The following FBN2 variants were observed in gnomAD, a reference collection of about 807,000 sequenced individuals.
The protein encoded by FBN2 is fibrillin 2, also known as fibrillin-2.
FBN2 carries 105 observed loss-of-function variants against 355.6 expected under a neutral mutation model. The ratio of observed to expected loss-of-function variants is 0.30; its 90% CI spans 0.25 to 0.35. The LOEUF (loss-of-function observed/expected upper bound fraction) is 0.35, where lower values mean the gene tolerates loss of function less well. FBN2 is among the 10% of genes least tolerant of loss of function. The probability of loss-of-function intolerance (pLI) is 1.00; values close to 1 mark genes in which losing one functional copy is unlikely to be tolerated. For missense variants in FBN2, 3,280 were observed against 3,758.7 expected, an observed-to-expected ratio of 0.87 and a Z score of 3.33; for synonymous variants, 1,350 against 1,301.2, an observed-to-expected ratio of 1.04 and a Z score of -0.81.
chr5:128,354,534 T>C (rs1249911990), intron 20 of FBN2, among the ~76,000 whole-genome samples: 2 of 152,118 alleles, frequency 1.3e-5, no homozygotes, highest in East Asian at 3.9e-4. Flanking sequence ...GAGTGTAGTA[T>C]GAGGAAAAGA....
intron 11 of FBN2, among the ~76,000 whole-genome samples, chr5:128,383,671 G>T (rs1752293118): frequency 6.6e-6 from 1 of 152,014 alleles, no homozygotes. Flanking sequence ...TACCAAAGAA[G>T]TGTCAGATCA....
At chr5:128,431,245 A>G (rs1753618947) in intron 7 of FBN2, among the ~76,000 whole-genome samples, 1 of 152,248 alleles carries the variant, frequency 6.6e-6, no homozygotes. Flanking sequence ...TGGCAAAAAT[A>G]ATAAGATCCT....
chr5:128,289,386 C>T, intron 51 of FBN2, 134 bp from the exon 52 acceptor site: 2 of 857,154 alleles, frequency 2.3e-6, no homozygotes, highest in Admixed American at 1.8e-5. Flanking sequence ...GAGCTTGAGA[C>T]CAGCCTGGGC....
intron 25 of FBN2, among the ~76,000 whole-genome samples, chr5:128,344,067 AAAAT>A (rs909949107): frequency 1.3e-5 from 2 of 152,046 alleles, no homozygotes; most frequent in Admixed American, 6.5e-5. Context: ...CCCATCTCTT[AAAAT>A]AAATAAATAA....
intron 48 of FBN2, among the ~76,000 whole-genome samples, chr5:128,297,184 T>C (rs1749547101): frequency 6.6e-6 from 1 of 152,186 alleles, no homozygotes; most frequent in Non-Finnish European, 1.5e-5. Context: ...CTAGTTTGAT[T>C]GCACTGTGGT....
At chr5:128,405,931 C>A (rs1447601354) in intron 8 of FBN2, among the ~76,000 whole-genome samples, 1 of 152,182 alleles carries the variant, frequency 6.6e-6, no homozygotes, top group African/African-American at 2.4e-5. Flanking sequence ...TTCTACAGCA[C>A]CCAGACAACA....
intron 7 of FBN2, among the ~76,000 whole-genome samples, chr5:128,443,789 CTA>C (rs955611118): frequency 1.3e-5 from 2 of 152,074 alleles, no homozygotes; most frequent in Non-Finnish European, 2.9e-5. Context: ...GCCAATAGTA[CTA>C]TGTTTTATAT....
At chr5:128,310,152 T>A in intron 39 of FBN2, 44 bp from the exon 40 acceptor site, 2 of 1,503,182 alleles carry the variant, frequency 1.3e-6, no homozygotes, top group South Asian at 1.2e-5. Flanking sequence ...ATCTATTTTT[T>A]CAATGAATTT....
intron 48 of FBN2, among the ~76,000 whole-genome samples, chr5:128,298,813 G>A (rs372559710): frequency 3.3e-5 from 5 of 152,158 alleles, no homozygotes; most frequent in East Asian, 1.9e-4. Flanking sequence ...TAATTTGATC[G>A]TCTGAAGCCT....
intron 16 of FBN2, among the ~76,000 whole-genome samples, chr5:128,368,505 T>C (rs1331706642): frequency 1.3e-5 from 2 of 148,228 alleles, no homozygotes; most frequent in African/African-American, 2.5e-5. Context: ...TATACATATA[T>C]ATATAATCAA....
chr5:128,502,298 AAAT>A (rs1486824232), intron 5 of FBN2, among the ~76,000 whole-genome samples: 2 of 116,740 alleles, frequency 1.7e-5, no homozygotes, highest in East Asian at 2.1e-4. Flanking sequence ...AAAAAAAAAA[AAAT>A]AATTATAAAG....
chr5:128,507,395 C>T (rs1755991908), intron 5 of FBN2, among the ~76,000 whole-genome samples: 1 of 152,042 alleles, frequency 6.6e-6, no homozygotes, highest in Admixed American at 6.5e-5. Flanking sequence ...AACATACACA[C>T]ATTCACCCAT....
chr5:128,282,470 TTTTGAAC>T (rs1748989281), intron 55 of FBN2, among the ~76,000 whole-genome samples: 1 of 152,140 alleles, frequency 6.6e-6, no homozygotes, highest in Non-Finnish European at 1.5e-5. Context: ...CAAAAAGGGC[TTTTGAAC>T]TAAAAGCGTT....
chr5:128,348,425 C>T (rs1219581846), intron 23 of FBN2, among the ~76,000 whole-genome samples: 2 of 151,954 alleles, frequency 1.3e-5, no homozygotes, highest in Non-Finnish European at 2.9e-5. Flanking sequence ...TACAGTCATG[C>T]TTCCAATCCA....
intron 7 of FBN2, among the ~76,000 whole-genome samples, chr5:128,431,565 C>T (rs1055846488): frequency 2.0e-5 from 3 of 152,172 alleles, no homozygotes; most frequent in Admixed American, 6.5e-5. Context: ...ATAAAAAAAT[C>T]TATTCTTACT....
intron 7 of FBN2, among the ~76,000 whole-genome samples, chr5:128,427,885 T>C (rs556909019): frequency 6.6e-6 from 1 of 152,326 alleles, no homozygotes; most frequent in African/African-American, 2.4e-5. Context: ...CTTACCTGCA[T>C]TGGGCAGGTG....
At position 128,537,446 on chromosome 5, in the gene FBN2, C is replaced by T. The variant is rs375093230; in HGVS notation, c.158G>A (p.Gly53Asp). The change falls in exon 1 of 65, where the codon GGC becomes GAC. Residue 53 changes from glycine (G) to aspartate (D), a missense_variant. Transcript: ENST00000262464. ...GGGCGCTAGAAACCCGCCTTCAGAG[C>T]CTGCTGTAGCGGACCGAACCTGTTG... is the stretch of plus-strand genomic sequence containing the variant. Reference protein sequence around the residue: ...PPQQVRSATAGSEGGFLAPEY... With the variant: ...PPQQVRSATADSEGGFLAPEY... 3.0e-5 allele frequency: 49 copies of T among 1,608,018 alleles called. No individual in the cohort carries two copies. The African/African-American group carries it at 3.9e-4, about 13-fold the overall frequency.
chr5:128,435,146 A>C (rs1009998051), intron 7 of FBN2, among the ~76,000 whole-genome samples: 1 of 152,190 alleles, frequency 6.6e-6, no homozygotes, highest in Non-Finnish European at 1.5e-5. Flanking sequence ...ATGTTAAATA[A>C]ATCAAGCCCT....
chr5:128,313,361 G>A (rs1024759145), intron 36 of FBN2, among the ~76,000 whole-genome samples: 8 of 151,944 alleles, frequency 5.3e-5, no homozygotes, highest in East Asian at 3.9e-4. Context: ...CATCTCTCCC[G>A]TGAACTCTAG....
Sources: allele counts gnomAD v4.1 joint callset (sites outside exome capture counted in the v4.1 genomes callset), GRCh38; gene constraint gnomAD v4.1.1; transcripts MANE v1.5; gene names NCBI Gene and HGNC (gene_info 2026-07-23, HGNC 2026-07-21).